ARHGEF7: variants seen among roughly 807,000 people sequenced by gnomAD.
The protein encoded by ARHGEF7 is PAK-interacting exchange factor beta.
A neutral mutation model predicts 109.8 loss-of-function variants in ARHGEF7; 33 were observed. The observed-to-expected ratio is 0.30, with a 90% CI of 0.23 to 0.40. The LOEUF (loss-of-function observed/expected upper bound fraction) is 0.40, where lower values mean the gene tolerates loss of function less well. Ranked by LOEUF, ARHGEF7 falls within the 10% of genes least tolerant of loss-of-function variation. ARHGEF7 has a pLI of 1.00. For synonymous variants in ARHGEF7, 458 were observed against 424.6 expected (o/e 1.08, Z -0.97); for missense variants, 938 against 1,098.5 (o/e 0.85, Z 2.07).
At chr13:111,221,333 A>T (rs1352896282) in intron 5 of ARHGEF7, among the ~76,000 whole-genome samples, 1 of 12,418 alleles carries the variant, frequency 8.1e-5, no homozygotes, top group Admixed American at 1.8e-3. Flanking sequence ...ATATATGTCT[A>T]TATATATCTA....
chr13:111,223,296 T>C (rs1320751775), intron 5 of ARHGEF7, among the ~76,000 whole-genome samples: 1 of 152,238 alleles, frequency 6.6e-6, no homozygotes, highest in East Asian at 1.9e-4. Flanking sequence ...TTGATTTTTC[T>C]GAAAACAAAA....
Position 111,255,409 on chromosome 13 carries a change from G to A in ARHGEF7, c.950+11115G>A, listed in dbSNP as rs2090303691. 6.6e-6 allele frequency among the ~76,000 whole-genome samples: 1 copy of A among 152,186 alleles called. No homozygotes were observed. Among genetic ancestry groups the A allele is most frequent in the Non-Finnish European group, 1.5e-5 (1 of 68,038 alleles). ...CACCTGCCTCATGTTGCTTGCCCAT[G>A]TCTGTCCCAGTGTCCTCATCTATAA... is the stretch of plus-strand genomic sequence containing the variant. On this transcript the variant is annotated intron_variant, in intron 8 of 21. Coordinates refer to ENST00000646102, the MANE Select transcript of ARHGEF7 (RefSeq NM_001354046.2). The surrounding 1 kb of genome is among the most constrained non-coding windows in gnomAD (Gnocchi z 4.1).
intron 21 of ARHGEF7, among the ~76,000 whole-genome samples, chr13:111,302,517 C>T (rs927297482): frequency 4.6e-5 from 7 of 152,202 alleles, no homozygotes; most frequent in Non-Finnish European, 7.3e-5. Flanking sequence ...TTGCCCCTAC[C>T]GGCAGCAGGC....
chr13:111,129,725 C>G (rs543983468), intron 1 of ARHGEF7, among the ~76,000 whole-genome samples: 1 of 152,302 alleles, frequency 6.6e-6, no homozygotes, highest in South Asian at 2.1e-4. Context: ...GTGATCCTCC[C>G]AAGTGTTAGC....
intron 2 of ARHGEF7, among the ~76,000 whole-genome samples, chr13:111,171,515 A>AGT (rs1189284476): frequency 1.3e-5 from 2 of 152,204 alleles, no homozygotes; most frequent in African/African-American, 2.4e-5. Flanking sequence ...TTGAATCTAC[A>AGT]AGTCCTTTCC....
At chr13:111,140,937 C>A (rs950083100) in intron 1 of ARHGEF7, among the ~76,000 whole-genome samples, 1 of 152,114 alleles carries the variant, frequency 6.6e-6, no homozygotes, top group African/African-American at 2.4e-5. Flanking sequence ...CTTTGGCCTC[C>A]CAAAATGTTG....
chr13:111,125,953 GTC>G (rs1331767167), intron 1 of ARHGEF7, among the ~76,000 whole-genome samples: 3 of 152,206 alleles, frequency 2.0e-5, no homozygotes, highest in Non-Finnish European at 4.4e-5. Context: ...TTCTGATTGT[GTC>G]TGTTTGGCTC....
At chr13:111,133,200 C>T (rs1017938136) in intron 1 of ARHGEF7, among the ~76,000 whole-genome samples, 15 of 151,542 alleles carry the variant, frequency 9.9e-5, no homozygotes, top group South Asian at 2.1e-4. Flanking sequence ...TGTATATATG[C>T]GTGTATATGT....
At chr13:111,121,339 C>T (rs1010671497) in intron 1 of ARHGEF7, among the ~76,000 whole-genome samples, 1 of 152,204 alleles carries the variant, frequency 6.6e-6, no homozygotes, top group Non-Finnish European at 1.5e-5. Flanking sequence ...TCTGGGCTTC[C>T]CTACTCTGTA....
At chr13:111,152,448 C>T (rs908790108) in intron 1 of ARHGEF7, among the ~76,000 whole-genome samples, 3 of 152,180 alleles carry the variant, frequency 2.0e-5, no homozygotes, top group Non-Finnish European at 4.4e-5. Context: ...TGCCATTCCA[C>T]TGAAAAAATG....
chr13:111,168,677 C>T (rs1024510469), intron 2 of ARHGEF7, among the ~76,000 whole-genome samples: 3 of 152,176 alleles, frequency 2.0e-5, no homozygotes, highest in African/African-American at 7.2e-5. Flanking sequence ...AAAAAAATCA[C>T]AGAATCACAA....
chr13:111,210,144 A>G (rs973449578), intron 4 of ARHGEF7, 142 bp downstream of exon 4: 3 of 1,110,906 alleles, frequency 2.7e-6, no homozygotes, highest in Non-Finnish European at 3.9e-6. Flanking sequence ...TTGTGCCTGT[A>G]ATCTGGTTTG....
intron 2 of ARHGEF7, among the ~76,000 whole-genome samples, chr13:111,155,874 G>A (rs1335353602): frequency 6.6e-6 from 1 of 152,062 alleles, no homozygotes; most frequent in African/African-American, 2.4e-5. Context: ...TCGGGAGTTC[G>A]AGACCAGCCT....
intron 4 of ARHGEF7, among the ~76,000 whole-genome samples, chr13:111,214,470 G>A (rs1219845064): frequency 6.6e-6 from 1 of 152,254 alleles, no homozygotes; most frequent in Non-Finnish European, 1.5e-5. Context: ...CCACAAGGCC[G>A]GCGTGCCCAG....
At chr13:111,126,721 A>G (rs749483917) in intron 1 of ARHGEF7, among the ~76,000 whole-genome samples, 1 of 152,236 alleles carries the variant, frequency 6.6e-6, no homozygotes, top group Non-Finnish European at 1.5e-5. Flanking sequence ...AGTAATTGCA[A>G]TGTCAGCTAT....
At chr13:111,156,370 G>T (rs949822680) in intron 2 of ARHGEF7, among the ~76,000 whole-genome samples, 1 of 152,164 alleles carries the variant, frequency 6.6e-6, no homozygotes, top group African/African-American at 2.4e-5. Flanking sequence ...CTTATTTTGT[G>T]CTATTTTTAA....
chr13:111,220,948 AGT>A (rs1314213579), intron 5 of ARHGEF7, among the ~76,000 whole-genome samples: 2 of 47,504 alleles, frequency 4.2e-5, no homozygotes, highest in Non-Finnish European at 6.2e-5. Context: ...TTCTCCTGTT[AGT>A]TATATATATA....
At chr13:111,259,390 C>T (rs1270021437) in intron 8 of ARHGEF7, among the ~76,000 whole-genome samples, 2 of 152,200 alleles carry the variant, frequency 1.3e-5, no homozygotes, top group East Asian at 1.9e-4. Context: ...CACACACACA[C>T]ACCCCTCTCT....
chr13:111,199,993 C>T (rs1055649734), intron 2 of ARHGEF7, among the ~76,000 whole-genome samples: 1 of 152,224 alleles, frequency 6.6e-6, no homozygotes, highest in African/African-American at 2.4e-5. Flanking sequence ...ATACAGTTGT[C>T]ACCCACTCTG....
Sources: gnomAD v4.1 joint callset for allele counts (sites outside exome capture counted in the v4.1 genomes callset) on GRCh38, gnomAD v4.1.1 for gene constraint, Gnocchi (gnomAD v3.1) non-coding constraint, MANE v1.5 for transcripts, NCBI Gene and HGNC (gene_info 2026-07-23, HGNC 2026-07-21) for gene names.